Variants in MRPL37 observed in about 807,000 individuals in gnomAD.
MRPL37 encodes the protein mitochondrial ribosomal protein L37.
A neutral mutation model predicts 44.1 loss-of-function variants in MRPL37; 34 were observed. The observed-to-expected ratio is 0.77, with a 90% CI of 0.59 to 1.03. The LOEUF (loss-of-function observed/expected upper bound fraction) is 1.03. Among genes scored for constraint, MRPL37 ranks in the 50% least tolerant of loss-of-function variants. MRPL37 has a pLI of 0.00. For missense variants in MRPL37, 532 were observed against 543.7 expected, an observed-to-expected ratio of 0.98 and a Z score of 0.21; for synonymous variants, 212 against 219.5, an observed-to-expected ratio of 0.97 and a Z score of 0.30.
At chr1:54,221,457 G>A (rs751361778), downstream of MRPL37, among the ~76,000 whole-genome samples, 16 of 152,102 alleles carry the variant, frequency 1.1e-4, no homozygotes, top group Non-Finnish European at 1.9e-4. Context: ...GAAGACCCCC[G>A]ATCCAGGGAC....
downstream of MRPL37, among the ~76,000 whole-genome samples, chr1:54,222,507 G>A (rs1644243248): frequency 6.6e-6 from 1 of 152,036 alleles, no homozygotes; most frequent in African/African-American, 2.4e-5. Context: ...CGGTGGGCGT[G>A]GCCACCTGGG....
In MRPL37 at chr1:54,218,128, G is replaced by A. The variant is rs774636221; in HGVS notation, c.1195-44G>A. On this transcript the variant is annotated intron_variant, in intron 6 of 6. Coordinates refer to ENST00000360840, the MANE Select transcript of MRPL37 (RefSeq NM_016491.4). ...TCCAATCTTTGTTTTAATTGCTGCC[G>A]TTAAACCTAGTAGCAGGATCCTAAT... 3.0e-5 allele frequency: 47 copies of A among 1,541,648 alleles called. No homozygotes were observed. In the East Asian group the frequency reaches 3.4e-4, roughly 11 times the overall value.
chr1:54,206,123 A>T (rs535309208), intron 3 of MRPL37, among the ~76,000 whole-genome samples: 2 of 151,494 alleles, frequency 1.3e-5, no homozygotes, highest in African/African-American at 2.4e-5. Flanking sequence ...TTATTTATTT[A>T]TTTTTTTGAG....
In MRPL37 at chr1:54,208,416, A is replaced by T. The variant is rs571071128; in HGVS notation, c.647-1530A>T. 5.9e-5 allele frequency among the ~76,000 whole-genome samples: 9 copies of T among 152,094 alleles called. No homozygotes were observed. The South Asian group carries it at 1.7e-3, about 28-fold the overall frequency. ...ACAAAAAAATTAGCCGGGCATGGTG[A>T]TGGGCACCCATAGTCCCAGCTACTC... On this transcript the variant is annotated intron_variant, in intron 3 of 6. Transcript: ENST00000360840.
At chr1:54,207,696 C>T (rs1034377378) in intron 3 of MRPL37, among the ~76,000 whole-genome samples, 4 of 152,156 alleles carry the variant, frequency 2.6e-5, no homozygotes, top group Non-Finnish European at 4.4e-5. Context: ...AAGAGAGGTC[C>T]ATGCACATTT....
chr1:54,223,137 C>T (rs1644246625), downstream of MRPL37, among the ~76,000 whole-genome samples: 1 of 152,226 alleles, frequency 6.6e-6, no homozygotes, highest in Admixed American at 6.5e-5. Flanking sequence ...TCAGCACCCA[C>T]CCTCGTTGGT....
chr1:54,204,523 G>T (rs1644107179), intron 1 of MRPL37, among the ~76,000 whole-genome samples: 1 of 152,188 alleles, frequency 6.6e-6, no homozygotes, highest in South Asian at 2.1e-4. Context: ...TATTTCCAAA[G>T]GTTCCTTTCC....
At chr1:54,211,363 C>T (rs2100510377) in intron 4 of MRPL37, among the ~76,000 whole-genome samples, 1 of 152,280 alleles carries the variant, frequency 6.6e-6, no homozygotes, top group Non-Finnish European at 1.5e-5. Context: ...ACCTGTCTTA[C>T]AGCTTGGCAC....
At chr1:54,212,796 C>A in intron 5 of MRPL37, 138 bp downstream of exon 5, 2 of 1,233,494 alleles carry the variant, frequency 1.6e-6, no homozygotes, top group South Asian at 1.5e-5. Flanking sequence ...GTACTTCAGC[C>A]CACCCTGTGG....
intron 5 of MRPL37, among the ~76,000 whole-genome samples, chr1:54,213,721 C>A (rs1489844040): frequency 6.6e-6 from 1 of 152,204 alleles, no homozygotes; most frequent in Non-Finnish European, 1.5e-5. Flanking sequence ...TTAACAAGCC[C>A]CCCAGTTATG....
At position 54,205,310 on chromosome 1, in the gene MRPL37, C is replaced by T. The variant is rs1644113796; in HGVS notation, c.546C>T (p.Asp182=). The change falls in exon 3 of 7, where the codon GAC becomes GAT. Residue 182 remains aspartate (D), a synonymous_variant. Coordinates refer to ENST00000360840, the MANE Select transcript of MRPL37 (RefSeq NM_016491.4). ...KRETYCPVIV[D]NLIQLCKSQI... ...TGTCTTCAAGCCCGGTCATCGTGGA[C>T]AACCTAATACAGCTGTGTAAATCTC... The T allele has an allele frequency of 1.2e-6, 2 of 1,613,192 alleles. No homozygotes were observed. Among genetic ancestry groups the T allele is most frequent in the South Asian group, 1.1e-5 (1 of 91,018 alleles).
chr1:54,214,093 A>G (rs1435469132), intron 5 of MRPL37, among the ~76,000 whole-genome samples: 1 of 152,172 alleles, frequency 6.6e-6, no homozygotes, highest in Non-Finnish European at 1.5e-5. Flanking sequence ...TGAGGCATGA[A>G]TGTTGCTTTA....
chr1:54,215,517 A>G (rs1005963995), intron 5 of MRPL37, among the ~76,000 whole-genome samples: 1 of 152,176 alleles, frequency 6.6e-6, no homozygotes, highest in African/African-American at 2.4e-5. Context: ...CTCCAGAAAC[A>G]TGGCCCGTGC....
In MRPL37 at chr1:54,210,181, G is replaced by A; in HGVS notation, c.832+50G>A. The A allele has an allele frequency of 1.9e-6, 3 of 1,561,254 alleles. No homozygotes were observed. The African/African-American group carries it at 4.1e-5, about 21-fold the overall frequency. On this transcript the variant is annotated intron_variant, in intron 4 of 6. Coordinates refer to ENST00000360840, the MANE Select transcript of MRPL37 (RefSeq NM_016491.4). The stretch of plus-strand genomic sequence containing the variant: ...TAGGCAGTGTGGAGGAGAAGGACAT[G>A]CTTTTTCTGGAGGGAAAGGATATAC...
intron 1 of MRPL37, among the ~76,000 whole-genome samples, chr1:54,203,938 T>C (rs562870849): frequency 1.2e-4 from 19 of 152,354 alleles, no homozygotes; most frequent in Non-Finnish European, 1.9e-4. Context: ...TATTGCCTAT[T>C]GCTGCTTTTG....
chr1:54,218,177 T>A lies in MRPL37; in HGVS notation c.1200T>A (p.Pro400=). The A allele has an allele frequency of 6.2e-7, 1 of 1,614,166 alleles. No individual in the cohort carries two copies. The highest frequency in any genetic ancestry group is 8.5e-7 in the Non-Finnish European group (1 of 1,179,950). Residue 400 remains proline (P), a synonymous_variant, in exon 7 of 7, where the codon CCT becomes CCA. Transcript: ENST00000360840. ...PVIKKRVVVE[P]VGPVGFKPET... ...ATGAACCGTGTTCTTTCCAGGAACCTGTTGGCCCAGTTGGTTTCAAGCCAG... is the reference window on the plus strand; with the variant it reads ...ATGAACCGTGTTCTTTCCAGGAACCAGTTGGCCCAGTTGGTTTCAAGCCAG...
intron 1 of MRPL37, among the ~76,000 whole-genome samples, chr1:54,203,467 CTTT>C (rs780467512): frequency 2.0e-5 from 2 of 98,874 alleles, no homozygotes; most frequent in East Asian, 2.9e-4. Flanking sequence ...ACTTCATTTA[CTTT>C]TTTTTTTTTT....
At chr1:54,205,574 A>G (rs937887390) in intron 3 of MRPL37, among the ~76,000 whole-genome samples, 164 bp downstream of exon 3, 1 of 152,154 alleles carries the variant, frequency 6.6e-6, no homozygotes, top group Admixed American at 6.5e-5. Flanking sequence ...ATCATTAGCC[A>G]TAGCCCAACC....
intron 5 of MRPL37, among the ~76,000 whole-genome samples, chr1:54,213,967 G>A (rs950079679): frequency 6.6e-6 from 1 of 152,068 alleles, no homozygotes; most frequent in Non-Finnish European, 1.5e-5. Context: ...AGGATTACTT[G>A]AGGCCAGGAG....
Sources: allele counts gnomAD v4.1 joint callset (sites outside exome capture counted in the v4.1 genomes callset), GRCh38; gene constraint gnomAD v4.1.1; transcripts MANE v1.5; gene names NCBI Gene and HGNC (gene_info 2026-07-23, HGNC 2026-07-21).